The following NPAS3 variants were observed in gnomAD, a reference collection of about 807,000 sequenced individuals.
NPAS3 encodes neuronal PAS domain-containing protein 3.
A neutral mutation model predicts 73.1 loss-of-function variants in NPAS3; 14 were observed. The observed-to-expected ratio is 0.19, with a 90% CI of 0.13 to 0.30. The LOEUF (loss-of-function observed/expected upper bound fraction) is 0.30. Among genes scored for constraint, NPAS3 ranks in the 10% least tolerant of loss-of-function variants. NPAS3 has a pLI of 1.00. For missense variants in NPAS3, 1,096 were observed against 1,250.0 expected, an observed-to-expected ratio of 0.88 and a Z score of 1.86; for synonymous variants, 620 against 541.5, an observed-to-expected ratio of 1.14 and a Z score of -2.01.
intron 3 of NPAS3, among the ~76,000 whole-genome samples, chr14:33,257,999 T>C (rs1300738876): frequency 1.3e-5 from 2 of 152,178 alleles, no homozygotes; most frequent in African/African-American, 4.8e-5. Flanking sequence ...TCAGCAGAAA[T>C]ATGAGGCTTA....
intron 5 of NPAS3, among the ~76,000 whole-genome samples, chr14:33,665,663 T>G (rs1262579908): frequency 6.6e-6 from 1 of 152,164 alleles, no homozygotes; most frequent in Non-Finnish European, 1.5e-5. Flanking sequence ...ACAAAAAATT[T>G]TTAAAATAAT....
intron 5 of NPAS3, among the ~76,000 whole-genome samples, chr14:33,588,028 T>C (rs976456582): frequency 6.6e-6 from 1 of 152,228 alleles, no homozygotes; most frequent in African/African-American, 2.4e-5. Context: ...GTCGAGTGTG[T>C]TCCCTAAAAT....
At chr14:33,799,954 TCTG>T in exon 12 of NPAS3, 2 of 1,614,016 alleles carry the variant, frequency 1.2e-6, no homozygotes, top group South Asian at 1.1e-5. Context: ...GCTTCGGTGC[TCTG>T]GGCGCGATGC....
intron 7 of NPAS3, among the ~76,000 whole-genome samples, chr14:33,735,653 A>T (rs1270548226): frequency 6.6e-6 from 1 of 152,108 alleles, no homozygotes; most frequent in Admixed American, 6.6e-5. Flanking sequence ...AGTCCTCAAG[A>T]CGAGTGCTCT....
intron 3 of NPAS3, among the ~76,000 whole-genome samples, chr14:33,289,775 T>C (rs1299773632): frequency 6.6e-6 from 1 of 151,390 alleles, no homozygotes; most frequent in Non-Finnish European, 1.5e-5. Flanking sequence ...TGAGCCGAGA[T>C]TGCACCACTG....
At chr14:33,218,227 T>A (rs905609556) in intron 3 of NPAS3, among the ~76,000 whole-genome samples, 6 of 152,162 alleles carry the variant, frequency 3.9e-5, no homozygotes, top group African/African-American at 1.4e-4. Context: ...AGCATCTAAG[T>A]TGGTACATAT....
At chr14:33,763,211 G>C (rs1431369166) in intron 7 of NPAS3, among the ~76,000 whole-genome samples, 2 of 152,162 alleles carry the variant, frequency 1.3e-5, no homozygotes, top group Non-Finnish European at 2.9e-5. Context: ...GGAGGTACTT[G>C]GCACCGCCGT....
At chr14:33,152,367 T>G (rs1192064993) in intron 2 of NPAS3, among the ~76,000 whole-genome samples, 4 of 152,150 alleles carry the variant, frequency 2.6e-5, no homozygotes, top group Non-Finnish European at 5.9e-5. Flanking sequence ...TCAGGAACCG[T>G]CATTGCTGTG....
intron 3 of NPAS3, among the ~76,000 whole-genome samples, chr14:33,263,908 C>T (rs532451059): frequency 9.9e-5 from 15 of 152,230 alleles, no homozygotes; most frequent in Admixed American, 9.8e-4. Context: ...TTGACCCAGC[C>T]ATCCCATTAC....
chr14:33,625,776 AAAT>A (rs1427529275), intron 5 of NPAS3, among the ~76,000 whole-genome samples: 1 of 152,216 alleles, frequency 6.6e-6, no homozygotes, highest in South Asian at 2.1e-4. Context: ...TATTGTCTCC[AAAT>A]AATAATAATA....
intron 1 of NPAS3, among the ~76,000 whole-genome samples, chr14:32,983,990 GGGATTACAGGTGTGAGGCACTGCACCC>G (rs1232857858): frequency 6.6e-6 from 1 of 152,142 alleles, no homozygotes; most frequent in Non-Finnish European, 1.5e-5. Flanking sequence ...CCAAAGTGCT[GGGATTACAGGTGTGAGGCACTGCACCC>G]GGCCAAATAG....
chr14:33,433,211 G>A (rs2048851628), intron 4 of NPAS3, among the ~76,000 whole-genome samples: 1 of 152,138 alleles, frequency 6.6e-6, no homozygotes, highest in Admixed American at 6.5e-5. Flanking sequence ...GAAATGGTAT[G>A]TTTTTCTGAG....
At chr14:33,470,283 T>G (rs1032190821) in intron 4 of NPAS3, among the ~76,000 whole-genome samples, 4 of 152,224 alleles carry the variant, frequency 2.6e-5, no homozygotes, top group African/African-American at 4.8e-5. Context: ...GATGAAGGAC[T>G]GTCAACATCA....
intron 4 of NPAS3, among the ~76,000 whole-genome samples, chr14:33,408,154 C>T (rs534558771): frequency 6.6e-6 from 1 of 152,172 alleles, no homozygotes; most frequent in South Asian, 2.1e-4. Flanking sequence ...CATTTTACCC[C>T]AATTCATCAG....
chr14:33,447,416 G>A (rs1487839676), intron 4 of NPAS3, among the ~76,000 whole-genome samples: 1 of 152,192 alleles, frequency 6.6e-6, no homozygotes, highest in African/African-American at 2.4e-5. Flanking sequence ...AGGAGGTAGG[G>A]AGAAGAGTGC....
At chr14:33,739,515 T>C (rs1214133592) in intron 7 of NPAS3, among the ~76,000 whole-genome samples, 3 of 152,222 alleles carry the variant, frequency 2.0e-5, no homozygotes, top group Non-Finnish European at 4.4e-5. Flanking sequence ...TTATTTTGCC[T>C]TCTCTAAGCC....
intron 2 of NPAS3, among the ~76,000 whole-genome samples, chr14:33,155,907 C>G (rs890485381): frequency 4.6e-5 from 7 of 152,218 alleles, no homozygotes; most frequent in African/African-American, 1.7e-4. Context: ...AGAGACTACT[C>G]TCTCTTCAGA....
At chr14:33,321,473 G>T (rs2140238113) in intron 3 of NPAS3, among the ~76,000 whole-genome samples, 1 of 151,926 alleles carries the variant, frequency 6.6e-6, no homozygotes, top group East Asian at 2.0e-4. Flanking sequence ...GAACAATGTG[G>T]CCCTTATATT....
chr14:33,722,224 C>T (rs10146442), intron 6 of NPAS3, among the ~76,000 whole-genome samples: 41,996 of 152,082 alleles, frequency 0.28, 6,396 homozygotes, highest in Admixed American at 0.42. Context: ...GAGATCACTT[C>T]GTTTCATGAA....
Sources: gnomAD v4.1 joint callset for allele counts (sites outside exome capture counted in the v4.1 genomes callset) on GRCh38, gnomAD v4.1.1 for gene constraint, MANE v1.5 for transcripts, NCBI Gene and HGNC (gene_info 2026-07-23, HGNC 2026-07-21) for gene names.